Variants in BRINP3 observed in about 807,000 individuals in gnomAD.
BRINP3 encodes BMP/retinoic acid inducible neural specific 3, also known as BMP/retinoic acid-inducible neural-specific protein 3.
A neutral mutation model predicts 71.0 loss-of-function variants in BRINP3; 19 were observed. The observed-to-expected ratio is 0.27, with a 90% CI of 0.19 to 0.39. The LOEUF is 0.39. Ranked by LOEUF, BRINP3 falls within the 10% of genes least tolerant of loss-of-function variation. The pLI is 1.00. For synonymous variants in BRINP3, 380 were observed against 337.7 expected (o/e 1.13, Z -1.37); for missense variants, 959 against 940.8 (o/e 1.02, Z -0.25).
At chr1:190,117,411 T>G in intron 7 of BRINP3, among the ~76,000 whole-genome samples, 1 of 152,036 alleles carries the variant, frequency 6.6e-6, no homozygotes, top group East Asian at 1.9e-4. Flanking sequence ...AATCACTATT[T>G]ATTATGAAAA....
At chr1:190,286,821 A>G (rs937389305) in intron 2 of BRINP3, among the ~76,000 whole-genome samples, 9 of 152,124 alleles carry the variant, frequency 5.9e-5, no homozygotes, top group African/African-American at 2.2e-4. Flanking sequence ...TAACATTCTA[A>G]TTACATCTGT....
intron 6 of BRINP3, among the ~76,000 whole-genome samples, chr1:190,214,667 C>T (rs1388654280): frequency 6.6e-6 from 1 of 151,958 alleles, no homozygotes; most frequent in Non-Finnish European, 1.5e-5. Context: ...CTTCTGCCAT[C>T]GTGATCACTT....
rs1675876119 is a variant in BRINP3, at chr1:190,454,753, C to T, written c.138G>A (p.Trp46Ter). The T allele has an allele frequency of 6.2e-7, 1 of 1,614,104 alleles. No homozygotes were observed. The highest frequency in any genetic ancestry group is 8.5e-7 in the Non-Finnish European group (1 of 1,180,024). ...GGAAGGGTCCCTTATCAGAGAGGAG[C>T]CAGTCGAAGGGGCTTGTGGCATGCT... ...SDQHATSPFDWLLSDKGPFHR... is the reference protein window; with the variant it reads ...SDQHATSPFD The change falls in exon 2 of 8, where the codon TGG becomes TGA. Residue 46 changes from tryptophan to a stop codon, truncating the protein, a stop_gained. Transcript: ENST00000367462. LOFTEE classifies it high-confidence loss of function.
chr1:190,160,738 T>C lies in BRINP3; in HGVS notation c.1114A>G (p.Ile372Val). 2 of 1,613,624 alleles carry C rather than the reference T, an allele frequency of 1.2e-6. No homozygotes were observed. Among genetic ancestry groups the C allele is most frequent in the African/African-American group, 1.3e-5 (1 of 75,020 alleles). ...CTAAGGCTAAAAAGCTTGTGTACAA[T>C]TTTCTGCGCCTTTAGGAAAAGTTGT... The part of the protein sequence containing the change: ...MKQLFLKAQK[I>V]VHKLFSLSKR... Residue 372 changes from isoleucine to valine, a missense_variant, in exon 7 of 8, where the codon ATT becomes GTT. Ile to Val is a conservative substitution (Grantham distance 29). Transcript: ENST00000367462.
intron 2 of BRINP3, among the ~76,000 whole-genome samples, chr1:190,428,176 T>A (rs1673848364): frequency 6.6e-6 from 1 of 151,876 alleles, no homozygotes; most frequent in African/African-American, 2.4e-5. Flanking sequence ...GAGGAAGAGA[T>A]TGAACTAGAA....
intron 2 of BRINP3, 57 bp downstream of exon 2, chr1:190,454,598 T>A: frequency 7.0e-7 from 1 of 1,427,438 alleles, no homozygotes; most frequent in Non-Finnish European, 9.7e-7. Flanking sequence ...GAGAAACTTA[T>A]GTATACACAA....
intron 5 of BRINP3, among the ~76,000 whole-genome samples, chr1:190,234,063 G>T (rs1415146643): frequency 1.3e-5 from 2 of 151,988 alleles, no homozygotes; most frequent in Non-Finnish European, 2.9e-5. Context: ...CAAAGCTCAG[G>T]CAAGCATATG....
At chr1:190,137,844 T>C (rs921339795) in intron 7 of BRINP3, among the ~76,000 whole-genome samples, 1 of 152,318 alleles carries the variant, frequency 6.6e-6, no homozygotes, top group East Asian at 1.9e-4. Context: ...TAAATTATTT[T>C]AGATACTTTA....
At chr1:190,211,293 A>G (rs567679967) in intron 6 of BRINP3, among the ~76,000 whole-genome samples, 3 of 152,088 alleles carry the variant, frequency 2.0e-5, no homozygotes, top group African/African-American at 7.2e-5. Flanking sequence ...CAAACAAAAA[A>G]CCTTCCTTTA....
At chr1:190,276,910 A>C (rs1027602123) in intron 3 of BRINP3, among the ~76,000 whole-genome samples, 1 of 150,486 alleles carries the variant, frequency 6.6e-6, no homozygotes, top group Non-Finnish European at 1.5e-5. Flanking sequence ...TGAAAAAAGT[A>C]TATTGTAACT....
chr1:190,354,743 C>T (rs189196994), intron 2 of BRINP3, among the ~76,000 whole-genome samples: 209 of 151,246 alleles, frequency 1.4e-3, no homozygotes, highest in Middle Eastern at 6.8e-3. Flanking sequence ...GTTTCCACTG[C>T]CACCGTCTCT....
chr1:190,396,940 T>C (rs1671617476), intron 2 of BRINP3, among the ~76,000 whole-genome samples: 1 of 151,554 alleles, frequency 6.6e-6, no homozygotes, highest in African/African-American at 2.4e-5. Flanking sequence ...TGCATAAAGC[T>C]TCACATTTCT....
At chr1:190,100,848 C>T (rs1346816159) in intron 7 of BRINP3, among the ~76,000 whole-genome samples, 1 of 152,056 alleles carries the variant, frequency 6.6e-6, no homozygotes, top group East Asian at 1.9e-4. Context: ...TGAATATGTC[C>T]CCCAAAGTTC....
intron 7 of BRINP3, among the ~76,000 whole-genome samples, chr1:190,125,284 A>G (rs1653994198): frequency 6.6e-6 from 1 of 151,768 alleles, no homozygotes; most frequent in African/African-American, 2.4e-5. Context: ...TATATGTAGC[A>G]TAAAAATACA....
chr1:190,348,002 A>G (rs898142964), intron 2 of BRINP3, among the ~76,000 whole-genome samples: 9 of 152,170 alleles, frequency 5.9e-5, no homozygotes, highest in Non-Finnish European at 1.3e-4. Flanking sequence ...CAATATTTTA[A>G]TATAGAAAAT....
At chr1:190,298,462 T>C (rs1445118652) in intron 2 of BRINP3, among the ~76,000 whole-genome samples, 1 of 152,100 alleles carries the variant, frequency 6.6e-6, no homozygotes, top group Non-Finnish European at 1.5e-5. Flanking sequence ...GAAAGTTTTT[T>C]GTGCTATACA....
Position 190,379,766 on chromosome 1 carries a change from G to A in BRINP3, c.236+74889C>T, listed in dbSNP as rs376553741. ...TGTAATCCCAGCACTTTGGGAGACC[G>A]AGGCAGGCGGATCATGAGGTCAGGA... On this transcript the variant is annotated intron_variant, in intron 2 of 7. Transcript: ENST00000367462. Among the ~76,000 whole-genome samples the A allele has an allele frequency of 9.2e-3, 1,403 of 152,028 alleles. 15 individuals carry two copies. Among genetic ancestry groups the A allele is most frequent in the African/African-American group, 0.031 (1,276 of 41,502 alleles).
chr1:190,146,212 A>T (rs905062837), intron 7 of BRINP3, among the ~76,000 whole-genome samples: 1 of 152,164 alleles, frequency 6.6e-6, no homozygotes, highest in Non-Finnish European at 1.5e-5. Context: ...ATAATTTTTT[A>T]AAAGAGCATA....
At chr1:190,128,412 C>T (rs1214520647) in intron 7 of BRINP3, among the ~76,000 whole-genome samples, 1 of 151,728 alleles carries the variant, frequency 6.6e-6, no homozygotes, top group Non-Finnish European at 1.5e-5. Context: ...ATTTTATCAT[C>T]CACAAACTAT....
Sources: gnomAD v4.1 joint callset for allele counts (sites outside exome capture counted in the v4.1 genomes callset) on GRCh38, gnomAD v4.1.1 for gene constraint, MANE v1.5 for transcripts, NCBI Gene and HGNC (gene_info 2026-07-23, HGNC 2026-07-21) for gene names.